The following ITIH1 variants were observed in gnomAD, a reference collection of about 807,000 sequenced individuals.
ITIH1 encodes inter-alpha-trypsin inhibitor heavy chain 1.
ITIH1 carries 94 observed loss-of-function variants against 104.6 expected under a neutral mutation model. That is an observed-to-expected ratio of 0.90 (90% CI 0.76 to 1.07). ITIH1 has a LOEUF of 1.07. Among genes scored for constraint, ITIH1 ranks in the 50% least tolerant of loss-of-function variants. The probability of loss-of-function intolerance (pLI) is 0.00; values close to 1 mark genes in which losing one functional copy is unlikely to be tolerated. For synonymous variants in ITIH1, 455 were observed against 464.4 expected (o/e 0.98, Z 0.26); for missense variants, 1,193 against 1,181.4 (o/e 1.01, Z -0.14).
rs772445952 is a variant in ITIH1, at chr3:52,791,665, C to A, written c.2606+37C>A. On this transcript the variant is annotated intron_variant, in intron 21 of 21. Transcript: ENST00000273283. The stretch of plus-strand genomic sequence containing the variant: ...GCTTGCCCAGCACGTCTGCCCTCGG[C>A]CACTTTGTAGTTCTTCCAGGTCTTC... 1.1e-5 allele frequency: 18 copies of A among 1,610,724 alleles called. No individual in the cohort carries two copies. The African/African-American group carries it at 2.4e-4, about 22-fold the overall frequency.
chr3:52,778,001 G>C lies in ITIH1; in HGVS notation c.122G>C (p.Arg41Pro). Residue 41 changes from arginine (R) to proline (P), a missense_variant, in exon 2 of 22, where the codon CGA becomes CCA. Physicochemically the swap from Arg to Pro is moderately radical, Grantham distance 103. Coordinates refer to ENST00000273283, the MANE Select transcript of ITIH1 (RefSeq NM_002215.4). ...GACCCTGATTTTGTTTTGCAGAAGC[G>C]ACAGGCTGTGGACACCGTGAGTAAG... Reference protein sequence around the residue: ...ATGRSKSSEKRQAVDTAVDGV... With the variant: ...ATGRSKSSEKPQAVDTAVDGV... The C allele has an allele frequency of 6.2e-7, 1 of 1,614,198 alleles. No homozygotes were observed.
chr3:52,778,211 C>T, intron 2 of ITIH1, 129 bp from the exon 3 acceptor site: 1 of 1,133,162 alleles, frequency 8.8e-7, no homozygotes, highest in Non-Finnish European at 1.3e-6. Flanking sequence ...CAGGGGTCTT[C>T]CTGCGGTCTG....
intron 16 of ITIH1, 125 bp downstream of exon 16, chr3:52,787,737 G>GAACAGCCT: frequency 8.4e-7 from 1 of 1,193,938 alleles, no homozygotes; most frequent in Admixed American, 1.7e-5. Flanking sequence ...ACAGACCTCT[G>GAACAGCCT]AACAGCCTGG....
Position 52,779,772 on chromosome 3 carries a change from T to C in ITIH1, c.573+178T>C. On this transcript the variant is annotated intron_variant, in intron 5 of 21. Coordinates refer to ENST00000273283, the MANE Select transcript of ITIH1 (RefSeq NM_002215.4). The surrounding 1 kb of genome is among the most constrained non-coding windows in gnomAD (Gnocchi z 4.4). ...TGGGCAGGGAACTCCCTGAATTCTC[T>C]AACTTCCTCTTTATCTCTGAGCTTC... is the stretch of plus-strand genomic sequence containing the variant. The C allele has an allele frequency of 9.6e-7, 1 of 1,037,336 alleles. No individual in the cohort carries two copies. 64.3% of individuals were successfully genotyped at this position (1,037,336 alleles called of 1,614,324 possible). A position where few individuals can be genotyped will look rare whatever the true frequency, so the allele number is the denominator to read the frequency against.
chr3:52,792,026 G>A lies in ITIH1; in HGVS notation c.*115G>A. The A allele has an allele frequency of 1.7e-6, 2 of 1,194,824 alleles. No homozygotes were observed. Among genetic ancestry groups the A allele is most frequent in the Non-Finnish European group, 1.2e-6 (1 of 855,446 alleles). 74.0% of individuals were successfully genotyped at this position (1,194,824 alleles called of 1,614,324 possible). Reference sequence around the variant, plus strand: ...GACTAAGCTGGTTCCTTGTGTCAAAGCACCTCATGCCTTCCATTAAAGAGA... The same window carrying A: ...GACTAAGCTGGTTCCTTGTGTCAAAACACCTCATGCCTTCCATTAAAGAGA... On this transcript the variant is annotated 3_prime_UTR_variant, in exon 22 of 22. Transcript: ENST00000273283.
intron 2 of ITIH1, 116 bp from the exon 3 acceptor site, chr3:52,778,224 C>T (rs1034027113): frequency 5.0e-6 from 6 of 1,188,496 alleles, no homozygotes; most frequent in Non-Finnish European, 7.5e-6. Context: ...GCGGTCTGTT[C>T]TTCCTGCATC....
In ITIH1 at chr3:52,778,629, A is replaced by G. The variant is rs554718660; in HGVS notation, c.305+123A>G. On this transcript the variant is annotated intron_variant, in intron 3 of 21. Transcript: ENST00000273283. ...TCTCCTCATTCTAGAAGGGCCACAG[A>G]CCAGCCCTGGCTTTGAGGGGAGGAA... is the stretch of plus-strand genomic sequence containing the variant. 36 of 1,508,832 alleles carry G rather than the reference A, an allele frequency of 2.4e-5. No homozygotes were observed. In the South Asian group the frequency reaches 3.3e-4, roughly 14 times the overall value. The allele number at this position is 1,508,832 out of a possible 1,614,324, so 93.5% of individuals were successfully genotyped here. A position where few individuals can be genotyped will look rare whatever the true frequency, so the allele number is the denominator to read the frequency against.
At chr3:52,791,236 T>C (rs1201375407) in intron 20 of ITIH1, among the ~76,000 whole-genome samples, 1 of 151,288 alleles carries the variant, frequency 6.6e-6, no homozygotes. Flanking sequence ...GTGTGGCCTT[T>C]CTACAGACAC....
Position 52,790,797 on chromosome 3 carries a change from C to T in ITIH1, c.2370C>T (p.Asp790=), listed in dbSNP as rs146607393. The T allele has an allele frequency of 1.7e-4, 274 of 1,612,782 alleles. No homozygotes were observed. The highest frequency in any genetic ancestry group is 4.1e-4 in the South Asian group (37 of 90,818). ...AGAGGAACCTGGTGGTGTCTGTGGACGACGGTGGCACCTTTGAGGTTGTTT... is the reference window on the plus strand; with the variant it reads ...AGAGGAACCTGGTGGTGTCTGTGGATGACGGTGGCACCTTTGAGGTTGTTT... ...NKKRNLVVSV[D]DGGTFEVVLH... Residue 790 remains aspartate (D), a synonymous_variant, in exon 20 of 22, where the codon GAC becomes GAT. Coordinates refer to ENST00000273283, the MANE Select transcript of ITIH1 (RefSeq NM_002215.4).
intron 18 of ITIH1, among the ~76,000 whole-genome samples, chr3:52,788,936 A>ATTTATTTTAGG (rs766275146): frequency 1.1e-3 from 161 of 152,170 alleles, no homozygotes; most frequent in Admixed American, 2.2e-3. Context: ...TTTATTTCAT[A>ATTTATTTTAGG]CTAGGTCCTG....
chr3:52,792,065 C>T (rs1462799741), downstream of ITIH1: 1 of 835,212 alleles, frequency 1.2e-6, no homozygotes, highest in African/African-American at 1.7e-5. Context: ...CGTGTCCACC[C>T]TGAGCTGGCT....
chr3:52,784,567 A>AT, intron 11 of ITIH1, 90 bp downstream of exon 11: 1 of 1,280,880 alleles, frequency 7.8e-7, no homozygotes, highest in Non-Finnish European at 1.1e-6. Flanking sequence ...AGAGGAGCAG[A>AT]TAAAGCTCTG....
chr3:52,788,096 C>G, intron 17 of ITIH1, 30 bp downstream of exon 17: 1 of 1,571,480 alleles, frequency 6.4e-7, no homozygotes, highest in South Asian at 1.2e-5. Context: ...TGAGGGACAC[C>G]CCTGTTTGGG....
chr3:52,785,725 G>A (rs1001745560), intron 12 of ITIH1, among the ~76,000 whole-genome samples: 1 of 152,230 alleles, frequency 6.6e-6, no homozygotes, highest in African/African-American at 2.4e-5. Flanking sequence ...AGTAAGGAGA[G>A]TTGAGCTGGA....
In ITIH1 at chr3:52,788,237, A is replaced by C; in HGVS notation, c.2011A>C (p.Thr671Pro). 1 of 1,609,016 alleles carries C rather than the reference A, an allele frequency of 6.2e-7. No homozygotes were observed. The highest frequency in any genetic ancestry group is 1.1e-5 in the South Asian group (1 of 90,252). Residue 671 changes from threonine to proline, a missense_variant, in exon 18 of 22, where the codon ACA becomes CCA. Coordinates refer to ENST00000273283, the MANE Select transcript of ITIH1 (RefSeq NM_002215.4). The part of the protein sequence containing the change: ...RLPDRVTGVD[T>P]DPHFIIHVPQ... ...ATTCCATGCTGTGCCCCCAGTGGAC[A>C]CAGACCCTCACTTCATCATCCACGT...
chr3:52,788,128 C>A (rs1273807903), intron 17 of ITIH1, 62 bp downstream of exon 17: 7 of 1,529,888 alleles, frequency 4.6e-6, no homozygotes, highest in Non-Finnish European at 6.3e-6. Context: ...CTGGCTGTCT[C>A]TCTCTCTCTG....
At chr3:52,784,684 G>A (rs1389132209) in intron 11 of ITIH1, among the ~76,000 whole-genome samples, 2 of 152,148 alleles carry the variant, frequency 1.3e-5, no homozygotes, top group Non-Finnish European at 2.9e-5. Context: ...AGACCAGCCT[G>A]GCCAACATGG....
intron 3 of ITIH1, 90 bp from the exon 4 acceptor site, chr3:52,778,852 C>T: frequency 2.6e-6 from 3 of 1,140,622 alleles, no homozygotes; most frequent in South Asian, 2.5e-5. Context: ...AGGAGACGTC[C>T]TTATCCAAGG....
In ITIH1 at chr3:52,787,354, A is replaced by G; in HGVS notation, c.1903+152A>G. Reference sequence around the variant, plus strand: ...CGTCCCCTGAGCCGCCCTTCTCCACATCACCGCGAACTCCCTGCTGCGCTT... The same window carrying G: ...CGTCCCCTGAGCCGCCCTTCTCCACGTCACCGCGAACTCCCTGCTGCGCTT... On this transcript the variant is annotated intron_variant, in intron 15 of 21. Coordinates refer to ENST00000273283, the MANE Select transcript of ITIH1 (RefSeq NM_002215.4). The G allele has an allele frequency of 1.7e-5, 21 of 1,207,326 alleles. No homozygotes were observed. The South Asian group carries it at 2.5e-4, about 14-fold the overall frequency. 74.8% of individuals were successfully genotyped at this position (1,207,326 alleles called of 1,614,324 possible).
Sources: gnomAD v4.1 joint callset for allele counts (sites outside exome capture counted in the v4.1 genomes callset) on GRCh38, gnomAD v4.1.1 for gene constraint, Gnocchi (gnomAD v3.1) non-coding constraint, MANE v1.5 for transcripts, NCBI Gene and HGNC (gene_info 2026-07-23, HGNC 2026-07-21) for gene names.